IGF2BP3: variants seen among roughly 807,000 people sequenced by gnomAD.
IGF2BP3 encodes insulin-like growth factor 2 mRNA-binding protein 3.
IGF2BP3 carries 9 observed loss-of-function variants against 73.8 expected under a neutral mutation model. That is an observed-to-expected ratio of 0.12 (90% CI 0.07 to 0.21). The LOEUF (loss-of-function observed/expected upper bound fraction) is 0.21, where lower values mean the gene tolerates loss of function less well. IGF2BP3 is among the 10% of genes least tolerant of loss of function. The pLI, the probability that IGF2BP3 is intolerant of heterozygous loss-of-function variation, is 1.00. For synonymous variants in IGF2BP3, 258 were observed against 256.7 expected, an observed-to-expected ratio of 1.01 and a Z score of -0.05; for missense variants, 542 against 714.0, an observed-to-expected ratio of 0.76 and a Z score of 2.75.
At chr7:23,354,027 C>T (rs1396785363) in intron 5 of IGF2BP3, among the ~76,000 whole-genome samples, 1 of 152,146 alleles carries the variant, frequency 6.6e-6, no homozygotes. Flanking sequence ...GACTTTCGTT[C>T]TTGTTGCCCA....
intron 8 of IGF2BP3, among the ~76,000 whole-genome samples, chr7:23,344,810 A>G (rs1367050330): frequency 6.6e-6 from 1 of 152,246 alleles, no homozygotes; most frequent in Non-Finnish European, 1.5e-5. Context: ...TTAAAAATGT[A>G]AACATTTGTA....
intron 3 of IGF2BP3, among the ~76,000 whole-genome samples, chr7:23,390,030 C>G (rs769728286): frequency 1.3e-5 from 2 of 151,842 alleles, no homozygotes; most frequent in Non-Finnish European, 2.9e-5. Flanking sequence ...GGCAAATATG[C>G]CAAGTGAAAT....
chr7:23,443,962 T>C (rs1333807109), intron 2 of IGF2BP3, among the ~76,000 whole-genome samples: 3 of 152,158 alleles, frequency 2.0e-5, no homozygotes, highest in Admixed American at 6.5e-5. Context: ...TGAGCTGAGA[T>C]CGCGCCACTG....
chr7:23,426,760 T>G (rs559350517), intron 2 of IGF2BP3, among the ~76,000 whole-genome samples: 2 of 152,180 alleles, frequency 1.3e-5, no homozygotes, highest in African/African-American at 2.4e-5. Context: ...TGTTCTGTAC[T>G]TCCATGGGAG....
intron 2 of IGF2BP3, among the ~76,000 whole-genome samples, chr7:23,428,066 CTTA>C (rs1787562694): frequency 6.6e-6 from 1 of 152,004 alleles, no homozygotes; most frequent in African/African-American, 2.4e-5. Context: ...ATCCCAGCTA[CTTA>C]GGAGGCTGAA....
At chr7:23,367,767 G>A (rs893562889) in intron 3 of IGF2BP3, among the ~76,000 whole-genome samples, 3 of 152,048 alleles carry the variant, frequency 2.0e-5, no homozygotes, top group Admixed American at 1.3e-4. Context: ...TTGGGTGGCC[G>A]AGGTGGGTGG....
intron 12 of IGF2BP3, among the ~76,000 whole-genome samples, chr7:23,315,094 A>G (rs751109676): frequency 1.3e-5 from 2 of 151,086 alleles, no homozygotes; most frequent in Non-Finnish European, 3.0e-5. Flanking sequence ...TGAGCCACTC[A>G]CTGTGCCCTG....
Position 23,367,692 on chromosome 7 carries a change from C to CT in IGF2BP3, c.286-5952dup, listed in dbSNP as rs201687486. ...GACGTGAAACCCTCAAATGTTCAGC[C>CT]TTTTTAAAAAAAAAAAGTTCATCCA... On this transcript the variant is annotated intron_variant, in intron 3 of 14. Transcript: ENST00000258729. 3.2e-3 allele frequency among the ~76,000 whole-genome samples: 489 copies of CT among 151,962 alleles called. 1 individual carries two copies. The highest frequency in any genetic ancestry group is 0.014 in the Middle Eastern group (4 of 292).
At chr7:23,330,690 C>T (rs865975657) in intron 10 of IGF2BP3, among the ~76,000 whole-genome samples, 7 of 152,280 alleles carry the variant, frequency 4.6e-5, no homozygotes, top group Middle Eastern at 3.4e-3. Flanking sequence ...GTGATCCGCC[C>T]GCCTTGGCCT....
chr7:23,339,206 T>C (rs182566380), intron 10 of IGF2BP3, among the ~76,000 whole-genome samples: 4 of 152,372 alleles, frequency 2.6e-5, no homozygotes, highest in Admixed American at 2.6e-4. Context: ...CCTATTCCAG[T>C]GACATCTTCC....
intron 5 of IGF2BP3, among the ~76,000 whole-genome samples, chr7:23,354,412 T>G (rs1365704725): frequency 6.6e-6 from 1 of 152,246 alleles, no homozygotes; most frequent in Non-Finnish European, 1.5e-5. Context: ...CTAGGCTTTT[T>G]CATTATAAAT....
At chr7:23,407,846 C>A (rs1003344386) in intron 3 of IGF2BP3, among the ~76,000 whole-genome samples, 8 of 148,622 alleles carry the variant, frequency 5.4e-5, no homozygotes, top group African/African-American at 1.8e-4. Context: ...AAGTCCTCAA[C>A]AAAAATGTTA....
chr7:23,405,383 A>G (rs1786794427), intron 3 of IGF2BP3, among the ~76,000 whole-genome samples: 3 of 152,358 alleles, frequency 2.0e-5, no homozygotes, highest in African/African-American at 4.8e-5. Flanking sequence ...TAGGAACTCT[A>G]TAGTACTACA....
chr7:23,450,671 C>T (rs970238297), intron 2 of IGF2BP3: 1 of 152,154 alleles, frequency 6.6e-6, no homozygotes, highest in Non-Finnish European at 1.5e-5. Context: ...TGTTACAGCT[C>T]TTTTAGAATT....
In IGF2BP3 at chr7:23,324,396, C is replaced by G. The variant is rs1317389869; in HGVS notation, c.1204-5142G>C. ...GAAGAAGTTGAATCTCTGAATAGAC[C>G]AATAACAGGAGCTGAAATTGTGGCA... On this transcript the variant is annotated intron_variant, in intron 10 of 14. Transcript: ENST00000258729. Among the ~76,000 whole-genome samples, 15 of 151,228 alleles carry G rather than the reference C, an allele frequency of 9.9e-5. 1 individual carries two copies. Among genetic ancestry groups the G allele is most frequent in the South Asian group, 2.1e-4 (1 of 4,776 alleles).
chr7:23,370,143 C>G (rs1374420642), intron 3 of IGF2BP3, among the ~76,000 whole-genome samples: 1 of 152,192 alleles, frequency 6.6e-6, no homozygotes, highest in African/African-American at 2.4e-5. Context: ...CTAGTCACGC[C>G]CTCAAAACTG....
At chr7:23,342,244 G>A in intron 9 of IGF2BP3, 55 bp from the exon 10 acceptor site, 2 of 1,597,368 alleles carry the variant, frequency 1.3e-6, no homozygotes, top group Non-Finnish European at 1.7e-6. Flanking sequence ...AAGGGAAAGT[G>A]AGCATTTTTA....
At chr7:23,321,915 C>T (rs1041190423) in intron 10 of IGF2BP3, among the ~76,000 whole-genome samples, 1 of 152,144 alleles carries the variant, frequency 6.6e-6, no homozygotes, top group Non-Finnish European at 1.5e-5. Context: ...CACCAAAAAC[C>T]CATCTGTACA....
At chr7:23,427,747 C>A (rs1054717499) in intron 2 of IGF2BP3, among the ~76,000 whole-genome samples, 5 of 151,916 alleles carry the variant, frequency 3.3e-5, no homozygotes, top group Admixed American at 2.6e-4. Flanking sequence ...GTGGCTCACG[C>A]CTGTAATCCC....
Sources: gnomAD v4.1 joint callset for allele counts (sites outside exome capture counted in the v4.1 genomes callset) on GRCh38, gnomAD v4.1.1 for gene constraint, MANE v1.5 for transcripts, NCBI Gene and HGNC (gene_info 2026-07-23, HGNC 2026-07-21) for gene names.